Variants in TRIM55 observed in about 807,000 individuals in gnomAD.
TRIM55 encodes the protein tripartite motif-containing protein 55.
Under a neutral mutation model 60.9 loss-of-function variants are expected in TRIM55, and 50 were observed. The ratio of observed to expected loss-of-function variants is 0.82; its 90% CI spans 0.65 to 1.04. The LOEUF (loss-of-function observed/expected upper bound fraction) is 1.04, where lower values mean the gene tolerates loss of function less well. TRIM55 is among the 50% of genes least tolerant of loss of function. The probability of loss-of-function intolerance (pLI) is 0.00; values close to 1 mark genes in which losing one functional copy is unlikely to be tolerated. For synonymous variants in TRIM55, 237 were observed against 238.1 expected (o/e 1.00, Z 0.04); for missense variants, 681 against 666.9 (o/e 1.02, Z -0.23).
upstream of TRIM55, among the ~76,000 whole-genome samples, chr8:66,126,096 T>A (rs923633343): frequency 1.3e-5 from 2 of 152,206 alleles, no homozygotes; most frequent in African/African-American, 4.8e-5. Flanking sequence ...AAACTATGGT[T>A]TAACAAGTCA....
chr8:66,150,862 C>T (rs1172126063), intron 7 of TRIM55, among the ~76,000 whole-genome samples: 4 of 152,156 alleles, frequency 2.6e-5, no homozygotes, highest in African/African-American at 4.8e-5. Flanking sequence ...GGTAGGGTTT[C>T]GCCATGTTGG....
chr8:66,175,387 T>C lies in TRIM55; in HGVS notation c.*794T>C, dbSNP rs1486839369. On this transcript the variant is annotated 3_prime_UTR_variant, in exon 10 of 10. Coordinates refer to ENST00000315962, the MANE Select transcript of TRIM55 (RefSeq NM_184085.2). ...ATATCACACATTAAATATATATATA[T>C]TTAAATCATGCTTTGTTAATATTTG... 6.6e-6 allele frequency: 1 copy of C among 152,192 alleles called. No homozygotes were observed. Among genetic ancestry groups the C allele is most frequent in the African/African-American group, 2.4e-5 (1 of 41,442 alleles). The allele number at this position is 152,192 out of a possible 1,614,324, so 9.4% of individuals were successfully genotyped here. A position where few individuals can be genotyped will look rare whatever the true frequency, so the allele number is the denominator to read the frequency against.
intron 4 of TRIM55, among the ~76,000 whole-genome samples, chr8:66,145,986 G>A (rs7845017): frequency 0.082 from 12,480 of 152,210 alleles, 838 homozygotes; most frequent in African/African-American, 0.18. Context: ...GAAAGTGACA[G>A]CTCTGCTGGG....
At chr8:66,136,473 C>T (rs899785394) in intron 3 of TRIM55, among the ~76,000 whole-genome samples, 20 of 152,282 alleles carry the variant, frequency 1.3e-4, no homozygotes, top group Non-Finnish European at 8.8e-5. Context: ...TTGGACCAAG[C>T]GCATGGGTCT....
At chr8:66,167,440 G>A (rs935145247) in intron 9 of TRIM55, among the ~76,000 whole-genome samples, 3 of 152,162 alleles carry the variant, frequency 2.0e-5, no homozygotes, top group African/African-American at 7.2e-5. Flanking sequence ...TGAGAAGAAG[G>A]CTGGCAGCAA....
In TRIM55 at chr8:66,128,315, G is replaced by T; in HGVS notation, c.180G>T (p.Pro60=). Residue 60 remains proline (P), a synonymous_variant, in exon 2 of 10, where the codon CCG becomes CCT. Transcript: ENST00000315962. ...CASDIFQASN[P]YLPTRGGTTM... The stretch of plus-strand genomic sequence containing the variant: ...CTTGGCAAGAACAGGCCTCTAACCC[G>T]TATTTGCCCACAAGAGGAGGTACCA... 1.2e-6 allele frequency: 2 copies of T among 1,606,432 alleles called. No individual in the cohort carries two copies. The highest frequency in any genetic ancestry group is 2.2e-5 in the South Asian group (2 of 90,164).
intron 5 of TRIM55, 45 bp from the exon 6 acceptor site, chr8:66,150,172 T>C: frequency 6.2e-7 from 1 of 1,600,780 alleles, no homozygotes; most frequent in Non-Finnish European, 8.5e-7. Flanking sequence ...CACTGTCTTT[T>C]GTGGAAATAA....
At chr8:66,119,482 A>T in the TRIM55 span, among the ~76,000 whole-genome samples, 1 of 152,250 alleles carries the variant, frequency 6.6e-6, no homozygotes, top group Admixed American at 6.5e-5. Flanking sequence ...AATTACCTGC[A>T]CCAAAGAGAC....
At chr8:66,174,392 C>T in intron 9 of TRIM55, 79 bp from the exon 10 acceptor site, 1 of 1,269,934 alleles carries the variant, frequency 7.9e-7, no homozygotes, top group Non-Finnish European at 1.1e-6. Flanking sequence ...TATACTTTCT[C>T]CTCAATAGAA....
chr8:66,120,714 C>T, the TRIM55 span, among the ~76,000 whole-genome samples: 2 of 152,220 alleles, frequency 1.3e-5, no homozygotes, highest in African/African-American at 2.4e-5. Context: ...TGGAAGTTCA[C>T]ATTTGGGACA....
Position 66,128,363 on chromosome 8 carries a change from C to T in TRIM55, c.228C>T (p.Phe76=). ...CCACCATGGCATCAGGGGGCCGATTCCGCTGCCCATCCTGTAGACATGAAG... is the reference window on the plus strand; with the variant it reads ...CCACCATGGCATCAGGGGGCCGATTTCGCTGCCCATCCTGTAGACATGAAG... ...GGTTMASGGR[F]RCPSCRHEVV... Residue 76 remains phenylalanine (F), a synonymous_variant, in exon 2 of 10, where the codon TTC becomes TTT. Transcript: ENST00000315962. 6.2e-7 allele frequency: 1 copy of T among 1,613,636 alleles called. No homozygotes were observed. Among genetic ancestry groups the T allele is most frequent in the Non-Finnish European group, 8.5e-7 (1 of 1,179,774 alleles).
chr8:66,132,450 C>T (rs1215112750), intron 2 of TRIM55, among the ~76,000 whole-genome samples: 2 of 152,098 alleles, frequency 1.3e-5, no homozygotes, highest in Non-Finnish European at 2.9e-5. Flanking sequence ...AAAACTCCAT[C>T]TCAAAAAAAA....
rs187740084 is a variant in TRIM55, at chr8:66,154,369, G to A, written c.1524+35G>A. On this transcript the variant is annotated intron_variant, in intron 9 of 9. Transcript: ENST00000315962. ...GATGCACTTGTGTCTATGCTTTCCC[G>A]CGCCCCCTAGGGTCCCACTGGAACA... 3.0e-4 allele frequency: 487 copies of A among 1,601,768 alleles called. 2 individuals are homozygous for A. The East Asian group carries it at 7.9e-3, about 26-fold the overall frequency.
At chr8:66,121,037 T>C in the TRIM55 span, among the ~76,000 whole-genome samples, 1 of 152,096 alleles carries the variant, frequency 6.6e-6, no homozygotes, top group African/African-American at 2.4e-5. Flanking sequence ...TCCTGGGCCC[T>C]GGCCCCTGAA....
chr8:66,141,016 C>T (rs1809780218), intron 4 of TRIM55, among the ~76,000 whole-genome samples: 1 of 152,100 alleles, frequency 6.6e-6, no homozygotes, highest in Admixed American at 6.6e-5. Context: ...GCCCCAGAGC[C>T]CTTTGGTGGC....
intron 9 of TRIM55, among the ~76,000 whole-genome samples, chr8:66,160,755 T>C (rs1015114057): frequency 2.0e-5 from 3 of 152,192 alleles, no homozygotes; most frequent in African/African-American, 7.2e-5. Flanking sequence ...TGATTTGCAT[T>C]TCCCTGATAA....
intron 1 of TRIM55, 33 bp downstream of exon 1, chr8:66,127,469 G>T (rs767128204): frequency 1.2e-6 from 2 of 1,607,332 alleles, no homozygotes; most frequent in Middle Eastern, 1.7e-4. Context: ...TGAGGGGAGG[G>T]GGTGGAAAAG....
At chr8:66,145,483 T>C (rs1810049414) in intron 4 of TRIM55, among the ~76,000 whole-genome samples, 1 of 152,246 alleles carries the variant, frequency 6.6e-6, no homozygotes. Flanking sequence ...ATACTTTTTT[T>C]TGTTCATTAT....
Position 66,152,553 on chromosome 8 carries a change from C to A in TRIM55, c.1162C>A (p.Pro388Thr), listed in dbSNP as rs773391888. Residue 388 changes from proline to threonine, a missense_variant, in exon 8 of 10, where the codon CCT becomes ACT. By Grantham distance (38) the Pro-to-Thr change is conservative (BLOSUM62 -1). Transcript: ENST00000315962. ...CTCTCAGGTGGAGCTGCAGGCTGCCCCTGGGGCACTTCCAGTTTCCTCTCC... is the reference window on the plus strand; with the variant it reads ...CTCTCAGGTGGAGCTGCAGGCTGCCACTGGGGCACTTCCAGTTTCCTCTCC... Reference protein sequence around the residue: ...ELSQVELQAAPGALPVSSPEP... With the variant: ...ELSQVELQAATGALPVSSPEP... 6.2e-7 allele frequency: 1 copy of A among 1,614,048 alleles called. No homozygotes were observed.
Sources: gnomAD v4.1 joint callset for allele counts (sites outside exome capture counted in the v4.1 genomes callset) on GRCh38, gnomAD v4.1.1 for gene constraint, MANE v1.5 for transcripts, NCBI Gene and HGNC (gene_info 2026-07-23, HGNC 2026-07-21) for gene names.